Variants in DNMT3A observed in about 807,000 individuals in gnomAD.
The protein encoded by DNMT3A is DNA methyltransferase 3 alpha.
Under a neutral mutation model 117.6 loss-of-function variants are expected in DNMT3A, and 267 were observed. The ratio of observed to expected loss-of-function variants is 2.27; its 90% CI spans 2.05 to 2.51. The LOEUF (loss-of-function observed/expected upper bound fraction) is 2.51, where lower values mean the gene tolerates loss of function less well. Among genes scored for constraint, DNMT3A ranks in the 30% most tolerant of loss-of-function variants. The pLI, the probability that DNMT3A is intolerant of heterozygous loss-of-function variation, is 0.00. For missense variants in DNMT3A, 1,029 were observed against 1,260.2 expected, an observed-to-expected ratio of 0.82 and a Z score of 2.78; for synonymous variants, 432 against 474.8, an observed-to-expected ratio of 0.91 and a Z score of 1.17.
chr2:25,315,557 G>A (rs954403807), intron 1 of DNMT3A, among the ~76,000 whole-genome samples: 1 of 152,212 alleles, frequency 6.6e-6, no homozygotes, highest in Non-Finnish European at 1.5e-5. Flanking sequence ...GGACGGCAGC[G>A]GAGAGCAGCT....
chr2:25,286,551 G>A lies in DNMT3A; in HGVS notation c.178-3840C>T, dbSNP rs1573429371. ...TCAGCCAAAGTTCTGGGATTTGGGG[G>A]GGAGGGCAATGACTTCTGCCACGCT... On this transcript the variant is annotated intron_variant, in intron 3 of 22. Coordinates refer to ENST00000321117, the MANE Select transcript of DNMT3A (RefSeq NM_022552.5). This position sits in a 1 kb window ranked among gnomAD's most constrained non-coding sequence, Gnocchi z 4.3. Among the ~76,000 whole-genome samples, 1 of 152,188 alleles carries A rather than the reference G, an allele frequency of 6.6e-6. No individual in the cohort carries two copies. Among genetic ancestry groups the A allele is most frequent in the East Asian group, 1.9e-4 (1 of 5,200 alleles).
At chr2:25,334,660 G>A (rs1370058574) in intron 1 of DNMT3A, among the ~76,000 whole-genome samples, 3 of 152,232 alleles carry the variant, frequency 2.0e-5, no homozygotes, top group East Asian at 1.9e-4. Context: ...TGTCCCTGGC[G>A]TGGGCCAGGG....
intron 3 of DNMT3A, among the ~76,000 whole-genome samples, chr2:25,299,022 G>C (rs1388323445): frequency 6.6e-6 from 1 of 151,438 alleles, no homozygotes; most frequent in Non-Finnish European, 1.5e-5. Context: ...TGGGCTCCAT[G>C]CCTGCTGAGA....
Position 25,296,156 on chromosome 2 carries a change from CAT to C in DNMT3A, c.177+3981_177+3982del, listed in dbSNP as rs1333569100. Reference sequence around the variant, plus strand: ...TGAGGTCTGCAGACCACTGCAGTCCCATGTGTGTGATCGGTGGGCTTGGAACT... The same window carrying C: ...TGAGGTCTGCAGACCACTGCAGTCCCGTGTGTGATCGGTGGGCTTGGAACT... On this transcript the variant is annotated intron_variant, in intron 3 of 22. Coordinates refer to ENST00000321117, the MANE Select transcript of DNMT3A (RefSeq NM_022552.5). The surrounding 1 kb of genome is among the most constrained non-coding windows in gnomAD (Gnocchi z 4.2). Among the ~76,000 whole-genome samples, 1 of 152,182 alleles carries C rather than the reference CAT, an allele frequency of 6.6e-6. No homozygotes were observed. The highest frequency in any genetic ancestry group is 1.5e-5 in the Non-Finnish European group (1 of 68,042).
intron 1 of DNMT3A, among the ~76,000 whole-genome samples, chr2:25,334,177 G>A (rs79045240): frequency 3.3e-5 from 5 of 152,330 alleles, no homozygotes; most frequent in African/African-American, 9.6e-5. Flanking sequence ...GGTGGGGTGC[G>A]GGAGGGTAAG....
intron 15 of DNMT3A, 27 bp from the exon 16 acceptor site, chr2:25,244,009 T>C (rs756483184): frequency 6.5e-7 from 1 of 1,548,982 alleles, no homozygotes; most frequent in Non-Finnish European, 8.7e-7. Flanking sequence ...ACAGGTCAGA[T>C]GCAGGCCCAG....
intron 2 of DNMT3A, among the ~76,000 whole-genome samples, chr2:25,300,698 T>C (rs1428630914): frequency 1.2e-4 from 10 of 83,250 alleles, no homozygotes; most frequent in African/African-American, 2.3e-4. Flanking sequence ...TATATTTATA[T>C]ATCTAAATAA....
At chr2:25,277,192 C>T (rs1205778653) in intron 4 of DNMT3A, among the ~76,000 whole-genome samples, 4 of 152,184 alleles carry the variant, frequency 2.6e-5, no homozygotes, top group Non-Finnish European at 1.5e-5. Flanking sequence ...GCGCTTTGTT[C>T]GTGACCGGCC....
At chr2:25,302,339 C>T (rs752190772) in intron 2 of DNMT3A, among the ~76,000 whole-genome samples, 5 of 152,076 alleles carry the variant, frequency 3.3e-5, no homozygotes, top group East Asian at 3.9e-4. Context: ...GAATGGCTGA[C>T]CTTCAAGAGC....
chr2:25,252,257 T>C lies in DNMT3A; in HGVS notation c.640-4005A>G, dbSNP rs907691546. ...GGTGTGAGCCGCGGCCCTGAAGCTCTGGAAGTAGCTGCCCGTCTTGGGGGA... is the reference window on the plus strand; with the variant it reads ...GGTGTGAGCCGCGGCCCTGAAGCTCCGGAAGTAGCTGCCCGTCTTGGGGGA... On this transcript the variant is annotated intron_variant, in intron 6 of 22. Transcript: ENST00000321117. The surrounding 1 kb of genome is among the most constrained non-coding windows in gnomAD (Gnocchi z 5.5). 4 of 1,387,662 alleles carry C rather than the reference T, an allele frequency of 2.9e-6. No homozygotes were observed. Among genetic ancestry groups the C allele is most frequent in the Admixed American group, 2.7e-5 (1 of 37,406 alleles). The allele number at this position is 1,387,662 out of a possible 1,614,324, so 86.0% of individuals were successfully genotyped here.
rs2035328402 is a variant in DNMT3A, at chr2:25,339,350, A to C, written c.-178+2476T>G. Among the ~76,000 whole-genome samples the C allele has an allele frequency of 6.6e-6, 1 of 152,202 alleles. No individual in the cohort carries two copies. Among genetic ancestry groups the C allele is most frequent in the Admixed American group, 6.5e-5 (1 of 15,280 alleles). ...CTTCTCCAGGAAGGACTCAGAGGGC[A>C]GCCCTGTGGACCAGTCCACTCCTTG... is the stretch of plus-strand genomic sequence containing the variant. On this transcript the variant is annotated intron_variant, in intron 1 of 22. Transcript: ENST00000321117. This position sits in a 1 kb window ranked among gnomAD's most constrained non-coding sequence, Gnocchi z 4.9.
chr2:25,340,641 C>T (rs563191833), intron 1 of DNMT3A, among the ~76,000 whole-genome samples: 307 of 152,162 alleles, frequency 2.0e-3, no homozygotes, highest in African/African-American at 7.2e-3. Context: ...CCGAAGACCC[C>T]GCTCCGCAGC....
At chr2:25,340,508 C>G (rs1449018920) in intron 1 of DNMT3A, among the ~76,000 whole-genome samples, 4 of 151,930 alleles carry the variant, frequency 2.6e-5, no homozygotes, top group Admixed American at 6.5e-5. Flanking sequence ...CAGCCCGGTC[C>G]GCGCCGAAGG....
intron 3 of DNMT3A, among the ~76,000 whole-genome samples, chr2:25,297,516 T>G (rs1297993464): frequency 2.0e-5 from 3 of 149,502 alleles, no homozygotes; most frequent in Non-Finnish European, 3.0e-5. Context: ...TGTTTTTTTT[T>G]TTTTTTTTTT....
chr2:25,267,243 C>T (rs919050812), intron 6 of DNMT3A, among the ~76,000 whole-genome samples: 2 of 152,180 alleles, frequency 1.3e-5, no homozygotes, highest in African/African-American at 2.4e-5. Flanking sequence ...CATGACGTTA[C>T]ACCAAACTGA....
At chr2:25,303,730 C>T (rs2033641014) in intron 2 of DNMT3A, among the ~76,000 whole-genome samples, 2 of 152,254 alleles carry the variant, frequency 1.3e-5, no homozygotes, top group Admixed American at 1.3e-4. Context: ...TTCTCTTCTG[C>T]CAACTCTTCC....
At chr2:25,326,627 G>A (rs544658627) in intron 1 of DNMT3A, among the ~76,000 whole-genome samples, 1 of 152,318 alleles carries the variant, frequency 6.6e-6, no homozygotes, top group Admixed American at 6.5e-5. Flanking sequence ...GTGTGCTCTT[G>A]TTGGGTTCCT....
intron 1 of DNMT3A, among the ~76,000 whole-genome samples, chr2:25,317,216 C>T (rs918615171): frequency 1.4e-5 from 2 of 144,908 alleles, no homozygotes; most frequent in African/African-American, 5.1e-5. Flanking sequence ...CATGTACCAC[C>T]ACACCTGGCT....
At position 25,233,204 on chromosome 2, in the gene DNMT3A, G is replaced by A. The variant is rs886358873; in HGVS notation, c.*1075C>T. On this transcript the variant is annotated 3_prime_UTR_variant, in exon 23 of 23. Coordinates refer to ENST00000321117, the MANE Select transcript of DNMT3A (RefSeq NM_022552.5). ...ATGAATCCCACTCTCAGCTGTCCAC[G>A]GGCCCGACCACCTCATCTAGCCCCC... 4 of 233,522 alleles carry A rather than the reference G, an allele frequency of 1.7e-5. No homozygotes were observed. Among genetic ancestry groups the A allele is most frequent in the African/African-American group, 4.4e-5 (2 of 45,284 alleles). The allele number at this position is 233,522 out of a possible 1,614,324, so 14.5% of individuals were successfully genotyped here. A position where few individuals can be genotyped will look rare whatever the true frequency, so the allele number is the denominator to read the frequency against.
Sources: allele counts gnomAD v4.1 joint callset (sites outside exome capture counted in the v4.1 genomes callset), GRCh38; gene constraint gnomAD v4.1.1; non-coding constraint Gnocchi (gnomAD v3.1); transcripts MANE v1.5; gene names NCBI Gene and HGNC (gene_info 2026-07-23, HGNC 2026-07-21).